The following NFKBIZ variants were observed in gnomAD, a reference collection of about 807,000 sequenced individuals.
NFKBIZ encodes the protein NFKB inhibitor zeta.
In NFKBIZ, 19 loss-of-function variants were observed where a neutral mutation model predicts 76.8. The observed-to-expected ratio is 0.25, with a 90% confidence interval of 0.17 to 0.36. NFKBIZ has a LOEUF of 0.36. Among genes scored for constraint, NFKBIZ ranks in the 10% least tolerant of loss-of-function variants. The pLI, the probability that NFKBIZ is intolerant of heterozygous loss-of-function variation, is 1.00. For missense variants in NFKBIZ, 829 were observed against 910.9 expected (o/e 0.91, Z 1.16); for synonymous variants, 368 against 354.8 (o/e 1.04, Z -0.42).
At position 101,849,885 on chromosome 3, in the gene NFKBIZ, C is replaced by G. The variant is rs1942922770; in HGVS notation, c.257C>G (p.Ser86Trp). ...TCCTGCGGCGCCGTGGAGTCCCGGT[C>G]GAGAGGCGGCGCCCGCGCCGAGCGC... ...VSSCGAVESR[S>W]RGGARAERQP... Residue 86 changes from serine to tryptophan, a missense_variant, in exon 1 of 12, where the codon TCG becomes TGG. Transcript: ENST00000326172. 1.4e-6 allele frequency: 2 copies of G among 1,441,518 alleles called. No homozygotes were observed. Among genetic ancestry groups the G allele is most frequent in the Non-Finnish European group, 9.1e-7 (1 of 1,104,862 alleles). 89.3% of individuals were successfully genotyped at this position (1,441,518 alleles called of 1,614,324 possible).
At chr3:101,833,035 T>G (rs77121775) in intron 2 of NFKBIZ, among the ~76,000 whole-genome samples, 1 of 152,232 alleles carries the variant, frequency 6.6e-6, no homozygotes, top group African/African-American at 2.4e-5. Flanking sequence ...ATTAAAACAC[T>G]GTCTCCTATT....
chr3:101,841,379 G>A (rs685666), intron 2 of NFKBIZ, among the ~76,000 whole-genome samples: 117,941 of 152,090 alleles, frequency 0.78, 46,452 homozygotes, highest in African/African-American at 0.87. Context: ...TGTCTCAGAA[G>A]TAGTAATTGT....
chr3:101,841,356 A>T (rs890947385), intron 2 of NFKBIZ, among the ~76,000 whole-genome samples: 2 of 152,212 alleles, frequency 1.3e-5, no homozygotes, highest in Non-Finnish European at 2.9e-5. Context: ...GTGCCAGTAG[A>T]ACTGAGTTCA....
intron 2 of NFKBIZ, among the ~76,000 whole-genome samples, chr3:101,838,767 T>C (rs1942754121): frequency 6.6e-6 from 1 of 152,250 alleles, no homozygotes; most frequent in Non-Finnish European, 1.5e-5. Flanking sequence ...AATTCAGTTT[T>C]CCTCACTAAT....
chr3:101,848,872 T>A (rs1375678141), upstream of NFKBIZ: 1 of 152,226 alleles, frequency 6.6e-6, no homozygotes, highest in Non-Finnish European at 1.5e-5. Flanking sequence ...AACATAAAAA[T>A]GCTCCAACAT....
intron 2 of NFKBIZ, among the ~76,000 whole-genome samples, chr3:101,837,000 CTT>C (rs1231226156): frequency 6.6e-6 from 1 of 152,166 alleles, no homozygotes; most frequent in Non-Finnish European, 1.5e-5. Flanking sequence ...TGTGAGGTCT[CTT>C]TTCCCTGTAT....
chr3:101,832,912 T>C (rs911311827), intron 2 of NFKBIZ, among the ~76,000 whole-genome samples: 1 of 152,274 alleles, frequency 6.6e-6, no homozygotes, highest in African/African-American at 2.4e-5. Context: ...TTGTTTTTAA[T>C]TCATTTTGTG....
Position 101,857,378 on chromosome 3 carries a change from G to A in NFKBIZ, c.2022G>A (p.Arg674=). 6.2e-7 allele frequency: 1 copy of A among 1,614,218 alleles called. No homozygotes were observed. The highest frequency in any genetic ancestry group is 8.5e-7 in the Non-Finnish European group (1 of 1,180,040). ...TQLDAVRLLM[R]KGADPSTRNL... is the part of the protein sequence containing the mutation. ...TAGATGCTGTCCGCCTGTTGATGAG[G>A]AAGGGAGCAGACCCAAGTACTCGGA... The change falls in exon 11 of 12, where the codon AGG becomes AGA. Residue 674 remains arginine, a synonymous_variant. Transcript: ENST00000326172.
chr3:101,843,176 TGTAATCCTA>T (rs996476476), intron 2 of NFKBIZ, among the ~76,000 whole-genome samples: 1 of 152,202 alleles, frequency 6.6e-6, no homozygotes, highest in African/African-American at 2.4e-5. Flanking sequence ...GGTTTACGCC[TGTAATCCTA>T]GTGACTTGGG....
At chr3:101,837,948 G>A (rs1320851340) in intron 2 of NFKBIZ, among the ~76,000 whole-genome samples, 1 of 152,216 alleles carries the variant, frequency 6.6e-6, no homozygotes, top group Non-Finnish European at 1.5e-5. Context: ...ACATCTTTAA[G>A]AACTGTTCAC....
At chr3:101,828,913 A>T (rs1050257030) in intron 1 of NFKBIZ, among the ~76,000 whole-genome samples, 1 of 152,226 alleles carries the variant, frequency 6.6e-6, no homozygotes. Context: ...ATTTGGTAAT[A>T]TATATTTCCT....
chr3:101,847,536 C>T (rs117259186), upstream of NFKBIZ, among the ~76,000 whole-genome samples: 177 of 152,330 alleles, frequency 1.2e-3, no homozygotes, highest in East Asian at 5.4e-3. Context: ...CTTGCACAAA[C>T]CTAGATAGTC....
upstream of NFKBIZ, among the ~76,000 whole-genome samples, chr3:101,846,782 G>A (rs1942858102): frequency 6.6e-6 from 1 of 152,186 alleles, no homozygotes. Flanking sequence ...AGAACCAATA[G>A]GGTACATATA....
intron 8 of NFKBIZ, 61 bp downstream of exon 8, chr3:101,855,519 G>A (rs1943036779): frequency 6.8e-7 from 1 of 1,477,976 alleles, no homozygotes; most frequent in Admixed American, 1.7e-5. Flanking sequence ...AGGTCTAAGG[G>A]TGCTAAGTAT....
intron 6 of NFKBIZ, 123 bp downstream of exon 6, chr3:101,854,806 T>C: frequency 1.3e-6 from 1 of 780,732 alleles, no homozygotes. Context: ...ATATTAACTT[T>C]GAGATGTTGA....
intron 1 of NFKBIZ, among the ~76,000 whole-genome samples, chr3:101,829,412 T>C (rs1170843812): frequency 6.6e-6 from 1 of 152,188 alleles, no homozygotes; most frequent in African/African-American, 2.4e-5. Flanking sequence ...TTCTCTTTCT[T>C]GTCCTGTAAC....
At chr3:101,828,984 TAGAC>T (rs1942603069) in intron 1 of NFKBIZ, among the ~76,000 whole-genome samples, 2 of 152,178 alleles carry the variant, frequency 1.3e-5, no homozygotes, top group Admixed American at 1.3e-4. Flanking sequence ...TTGCTTCTGT[TAGAC>T]AGTAGGTTGT....
At chr3:101,842,592 C>CTTTTTTTTTTTTTTTTTTTTTTT (rs573749526) in intron 2 of NFKBIZ, among the ~76,000 whole-genome samples, 1 of 130,350 alleles carries the variant, frequency 7.7e-6, no homozygotes, top group Non-Finnish European at 1.7e-5. Context: ...CTTTTCTTTT[C>CTTTTTTTTTTTTTTTTTTTTTTT]TTTTTTTTTT....
At chr3:101,847,192 A>AC (rs1222043236), upstream of NFKBIZ, among the ~76,000 whole-genome samples, 1 of 152,262 alleles carries the variant, frequency 6.6e-6, no homozygotes, top group Admixed American at 6.5e-5. Flanking sequence ...ATGATGTTGT[A>AC]CCAGCTGCCT....
Sources: gnomAD v4.1 joint callset for allele counts (sites outside exome capture counted in the v4.1 genomes callset) on GRCh38, gnomAD v4.1.1 for gene constraint, MANE v1.5 for transcripts, NCBI Gene and HGNC (gene_info 2026-07-23, HGNC 2026-07-21) for gene names.